The following CIMAP1D variants were observed in gnomAD, a reference collection of about 807,000 sequenced individuals.
The protein encoded by CIMAP1D is CIMAP1 family member D.
chr19:484,008 C>T, the CIMAP1D span, among the ~76,000 whole-genome samples: 10 of 152,192 alleles, frequency 6.6e-5, no homozygotes, highest in Non-Finnish European at 1.2e-4. Flanking sequence ...TGCTGGGCAA[C>T]GTTCCATCCC....
At chr19:488,898 G>A in the CIMAP1D span, among the ~76,000 whole-genome samples, 1 of 152,032 alleles carries the variant, frequency 6.6e-6, no homozygotes, top group African/African-American at 2.4e-5. Flanking sequence ...CAGCCGGGGC[G>A]CCCCGCAGTG....
chr19:485,075 G>A, the CIMAP1D span, among the ~76,000 whole-genome samples: 8 of 152,220 alleles, frequency 5.3e-5, no homozygotes, highest in African/African-American at 1.2e-4. Flanking sequence ...AGACGCTGTG[G>A]GGTGAAGGGG....
chr19:469,607 T>C, the CIMAP1D span, among the ~76,000 whole-genome samples: 3 of 152,072 alleles, frequency 2.0e-5, no homozygotes, highest in African/African-American at 7.2e-5. Context: ...GGAGAATCAC[T>C]TGAACCCCGG....
At chr19:469,008 C>T in the CIMAP1D span, among the ~76,000 whole-genome samples, 3 of 152,058 alleles carry the variant, frequency 2.0e-5, no homozygotes, top group Non-Finnish European at 4.4e-5. Flanking sequence ...GGCCCAGACA[C>T]GGCTCCAGAC....
chr19:478,841 G>A, the CIMAP1D span, among the ~76,000 whole-genome samples: 8 of 152,230 alleles, frequency 5.3e-5, no homozygotes, highest in Non-Finnish European at 8.8e-5. Context: ...TGGTGCTCCC[G>A]AGACCCTTGT....
the CIMAP1D span, chr19:464,142 G>C: frequency 3.7e-6 from 2 of 544,956 alleles, no homozygotes; most frequent in Non-Finnish European, 6.4e-6. Context: ...GGGGCGGGCG[G>C]GGGGGGTGCG....
At chr19:481,770 CTTT>C in the CIMAP1D span, among the ~76,000 whole-genome samples, 43 of 106,742 alleles carry the variant, frequency 4.0e-4, no homozygotes, top group Admixed American at 1.2e-3. Context: ...GAACCTCCTA[CTTT>C]TTTTTTTTTT....
At chr19:489,463 G>A in the CIMAP1D span, 3 of 147,328 alleles carry the variant, frequency 2.0e-5, no homozygotes, top group East Asian at 6.1e-4. Flanking sequence ...CGGCCCGGCA[G>A]TGGACGCAGA....
chr19:466,764 G>T, the CIMAP1D span, among the ~76,000 whole-genome samples: 2 of 130,816 alleles, frequency 1.5e-5, no homozygotes, highest in Non-Finnish European at 3.2e-5. Flanking sequence ...TGGTTGGGTG[G>T]GTGGATGGAT....
the CIMAP1D span, among the ~76,000 whole-genome samples, chr19:472,169 T>G: frequency 6.6e-6 from 1 of 152,204 alleles, no homozygotes; most frequent in African/African-American, 2.4e-5. Flanking sequence ...TACTGCGCTC[T>G]TTCTCCTTCC....
the CIMAP1D span, chr19:464,199 G>T: frequency 6.6e-7 from 1 of 1,512,868 alleles, no homozygotes; most frequent in Non-Finnish European, 8.8e-7. Context: ...GAAGATCTGT[G>T]AGCCCCACAG....
chr19:485,182 G>C, the CIMAP1D span, among the ~76,000 whole-genome samples: 1 of 152,152 alleles, frequency 6.6e-6, no homozygotes, highest in South Asian at 2.1e-4. Flanking sequence ...GGTCATTGCC[G>C]TGCTCTACCA....
the CIMAP1D span, chr19:463,886 G>A: frequency 6.2e-7 from 1 of 1,611,000 alleles, no homozygotes; most frequent in Non-Finnish European, 8.5e-7. Flanking sequence ...CAGGCCGGGA[G>A]GGCGTGGTGG....
At chr19:489,735 C>T in the CIMAP1D span, 1 of 315,644 alleles carries the variant, frequency 3.2e-6, no homozygotes. Flanking sequence ...GGGATTGCGG[C>T]CGGGGGAGAA....
the CIMAP1D span, among the ~76,000 whole-genome samples, chr19:479,074 A>G: frequency 6.6e-6 from 1 of 152,196 alleles, no homozygotes; most frequent in Non-Finnish European, 1.5e-5. Flanking sequence ...GAGGGCCGTG[A>G]TCAACTCAGT....
At chr19:469,071 G>C in the CIMAP1D span, among the ~76,000 whole-genome samples, 5 of 152,196 alleles carry the variant, frequency 3.3e-5, no homozygotes, top group African/African-American at 1.2e-4. Flanking sequence ...CCCAACGCAG[G>C]CTCACTGGCC....
the CIMAP1D span, among the ~76,000 whole-genome samples, chr19:478,650 T>C: frequency 1.5e-3 from 223 of 152,382 alleles, no homozygotes; most frequent in Middle Eastern, 3.4e-3. Flanking sequence ...CACATGCAGA[T>C]GAGCCCTGAT....
At chr19:467,230 G>C in the CIMAP1D span, among the ~76,000 whole-genome samples, 1 of 128,092 alleles carries the variant, frequency 7.8e-6, no homozygotes, top group South Asian at 2.6e-4. Context: ...GGACGGGTGG[G>C]TAGATGGTTG....
At chr19:464,140 CGGG>C in the CIMAP1D span, 1 of 796,568 alleles carries the variant, frequency 1.3e-6, no homozygotes, top group Non-Finnish European at 1.5e-6. Flanking sequence ...GGGGGGCGGG[CGGG>C]GGGGGTGCGG....
Sources: gnomAD v4.1 joint callset for allele counts (sites outside exome capture counted in the v4.1 genomes callset) on GRCh38, gnomAD v4.1.1 for gene constraint, MANE v1.5 for transcripts, NCBI Gene and HGNC (gene_info 2026-07-23, HGNC 2026-07-21) for gene names.